Variants in FUT8 observed in about 807,000 individuals in gnomAD.
FUT8 encodes fucosyltransferase 8.
FUT8 carries 29 observed loss-of-function variants against 71.3 expected under a neutral mutation model. The ratio of observed to expected loss-of-function variants is 0.41; its 90% CI spans 0.30 to 0.55. The LOEUF (loss-of-function observed/expected upper bound fraction) is 0.55. FUT8 is among the 20% of genes least tolerant of loss of function. The pLI is 0.34. For synonymous variants in FUT8, 254 were observed against 239.3 expected, an observed-to-expected ratio of 1.06 and a Z score of -0.57; for missense variants, 544 against 702.1, an observed-to-expected ratio of 0.77 and a Z score of 2.55.
intron 6 of FUT8, among the ~76,000 whole-genome samples, chr14:65,654,263 A>G (rs970419077): frequency 3.3e-5 from 5 of 152,176 alleles, no homozygotes; most frequent in African/African-American, 1.2e-4. Context: ...ATTGTTGTAT[A>G]TAGATATAAT....
chr14:65,502,807 A>G lies in FUT8; in HGVS notation c.-228+47089A>G, dbSNP rs113432421. ...TTCCCCCTCCTGCAGAGCTTCTTCA[A>G]TTTTAATGTGTATATGAATCAGTTG... On this transcript the variant is annotated intron_variant, in intron 2 of 10. Coordinates refer to ENST00000673929, the MANE Select transcript of FUT8 (RefSeq NM_001371533.1). 6.0e-3 allele frequency among the ~76,000 whole-genome samples: 908 copies of G among 152,296 alleles called. 10 individuals carry two copies. The highest frequency in any genetic ancestry group is 0.012 in the South Asian group (60 of 4,820).
chr14:65,567,846 G>A (rs892913497), intron 3 of FUT8, among the ~76,000 whole-genome samples: 17 of 151,606 alleles, frequency 1.1e-4, no homozygotes, highest in African/African-American at 3.6e-4. Flanking sequence ...ATTTTGTTTT[G>A]GATTTTTTCT....
chr14:65,701,985 G>A (rs1011150111), intron 7 of FUT8, among the ~76,000 whole-genome samples: 2 of 152,166 alleles, frequency 1.3e-5, no homozygotes, highest in African/African-American at 4.8e-5. Context: ...AGAATGTCTG[G>A]GTTCAACTCC....
intron 2 of FUT8, among the ~76,000 whole-genome samples, chr14:65,515,892 T>A (rs1566795946): frequency 6.6e-6 from 1 of 152,242 alleles, no homozygotes; most frequent in African/African-American, 2.4e-5. Flanking sequence ...TTGTATTTTG[T>A]AGCAGGTGAT....
At chr14:65,546,335 T>C (rs146270783) in intron 2 of FUT8, among the ~76,000 whole-genome samples, 1 of 151,990 alleles carries the variant, frequency 6.6e-6, no homozygotes, top group Admixed American at 6.5e-5. Flanking sequence ...CTATTCTTTA[T>C]TGAGCTTCAG....
At chr14:65,539,350 C>T (rs893552622) in intron 2 of FUT8, among the ~76,000 whole-genome samples, 1 of 152,190 alleles carries the variant, frequency 6.6e-6, no homozygotes, top group African/African-American at 2.4e-5. Context: ...TTCTTTGATT[C>T]ATTTGAAGTT....
intron 7 of FUT8, among the ~76,000 whole-genome samples, chr14:65,670,876 A>G (rs756011296): frequency 6.6e-6 from 1 of 152,128 alleles, no homozygotes; most frequent in African/African-American, 2.4e-5. Flanking sequence ...TAGAAGCCTT[A>G]TTTTATATAT....
intron 8 of FUT8, among the ~76,000 whole-genome samples, chr14:65,722,702 A>T (rs1007239620): frequency 6.6e-6 from 1 of 152,206 alleles, no homozygotes; most frequent in Middle Eastern, 3.2e-3. Context: ...AAAAAGAGTG[A>T]TTATGAAGGA....
chr14:65,571,772 T>A (rs1050695577), intron 3 of FUT8, among the ~76,000 whole-genome samples: 1 of 152,098 alleles, frequency 6.6e-6, no homozygotes, highest in African/African-American at 2.4e-5. Context: ...GAAGTAAAGT[T>A]TACATGGAAC....
At chr14:65,665,224 A>G (rs1339686176) in intron 6 of FUT8, among the ~76,000 whole-genome samples, 1 of 152,186 alleles carries the variant, frequency 6.6e-6, no homozygotes, top group Non-Finnish European at 1.5e-5. Context: ...GTTGTAATAT[A>G]TAAAATTGTG....
intron 3 of FUT8, among the ~76,000 whole-genome samples, chr14:65,595,602 C>CTTTTTTTTTTTTT (rs34129010): frequency 3.7e-5 from 3 of 81,724 alleles, no homozygotes; most frequent in East Asian, 3.8e-4. Flanking sequence ...ACACCATTCT[C>CTTTTTTTTTTTTT]TTTTTTTTTT....
intron 2 of FUT8, among the ~76,000 whole-genome samples, chr14:65,528,181 C>G (rs1173299344): frequency 1.3e-5 from 2 of 152,252 alleles, no homozygotes; most frequent in Admixed American, 1.3e-4. Flanking sequence ...CCTCCTTGAG[C>G]TGCGGTGGAC....
chr14:65,521,706 A>T (rs926317287), intron 2 of FUT8, among the ~76,000 whole-genome samples: 1 of 152,116 alleles, frequency 6.6e-6, no homozygotes, highest in African/African-American at 2.4e-5. Context: ...AAAAAAATAC[A>T]TTTTTTTGGT....
intron 1 of FUT8, among the ~76,000 whole-genome samples, chr14:65,416,816 T>G (rs966945527): frequency 6.6e-5 from 10 of 150,980 alleles, no homozygotes; most frequent in African/African-American, 2.4e-4. Flanking sequence ...TGTCTCTCTA[T>G]GTTGCCCAGG....
chr14:65,708,180 G>A (rs1027549276), intron 7 of FUT8, among the ~76,000 whole-genome samples: 1 of 152,160 alleles, frequency 6.6e-6, no homozygotes, highest in Non-Finnish European at 1.5e-5. Flanking sequence ...CCCCCATGCT[G>A]TTCTAATGAT....
intron 2 of FUT8, among the ~76,000 whole-genome samples, chr14:65,461,270 C>T (rs939005073): frequency 6.6e-6 from 1 of 152,170 alleles, no homozygotes; most frequent in Non-Finnish European, 1.5e-5. Context: ...CATCTTCCCT[C>T]TGTGTGTGTT....
At chr14:65,384,068 C>T in the FUT8 span, among the ~76,000 whole-genome samples, 4 of 147,158 alleles carry the variant, frequency 2.7e-5, no homozygotes, top group Non-Finnish European at 6.2e-5. The surrounding 1 kb of genome is among the most constrained non-coding windows in gnomAD (Gnocchi z 4.2). Flanking sequence ...CCTCTGATCT[C>T]CAGCCAGTGT....
At chr14:65,563,834 G>A (rs1274266001) in intron 3 of FUT8, among the ~76,000 whole-genome samples, 1 of 151,902 alleles carries the variant, frequency 6.6e-6, no homozygotes, top group African/African-American at 2.4e-5. Flanking sequence ...GGTCTATTAA[G>A]TCACTTTCTT....
intron 2 of FUT8, among the ~76,000 whole-genome samples, chr14:65,474,084 T>C (rs1774859647): frequency 6.6e-6 from 1 of 151,970 alleles, no homozygotes; most frequent in Non-Finnish European, 1.5e-5. Flanking sequence ...AAGCGGGAGC[T>C]AAGTCATGGG....
Sources: allele counts gnomAD v4.1 joint callset (sites outside exome capture counted in the v4.1 genomes callset), GRCh38; gene constraint gnomAD v4.1.1; non-coding constraint Gnocchi (gnomAD v3.1); transcripts MANE v1.5; gene names NCBI Gene and HGNC (gene_info 2026-07-23, HGNC 2026-07-21).